MYO10: variants seen among roughly 807,000 people sequenced by gnomAD.
The protein encoded by MYO10 is unconventional myosin-X.
Under a neutral mutation model 257.3 loss-of-function variants are expected in MYO10, and 133 were observed. That is an observed-to-expected ratio of 0.52 (90% confidence interval 0.45 to 0.60). The LOEUF (loss-of-function observed/expected upper bound fraction) is 0.60. Among genes scored for constraint, MYO10 ranks in the 20% least tolerant of loss-of-function variants. The pLI is 0.00. For missense variants in MYO10, 2,399 were observed against 2,635.7 expected, an observed-to-expected ratio of 0.91 and a Z score of 1.97; for synonymous variants, 1,104 against 1,028.6, an observed-to-expected ratio of 1.07 and a Z score of -1.40.
intron 27 of MYO10, among the ~76,000 whole-genome samples, chr5:16,691,984 G>A (rs1737530977): frequency 6.6e-6 from 1 of 152,160 alleles, no homozygotes. Context: ...GTGAAAGAAA[G>A]GCAGAGGGGC....
rs565575771 is a variant in MYO10 at position 16,825,805 on chromosome 5, C to T, written c.121-7638G>A. ...CGGACATTGCAATTTGCTGAGATCA[C>T]GTCATTGCACTCCAGCCTGGACAAG... is the stretch of plus-strand genomic sequence containing the variant. On this transcript the variant is annotated intron_variant, in intron 2 of 40. Coordinates refer to ENST00000513610, the MANE Select transcript of MYO10 (RefSeq NM_012334.3). Among the ~76,000 whole-genome samples, 8 of 152,250 alleles carry T rather than the reference C, an allele frequency of 5.3e-5. No homozygotes were observed. In the South Asian group the frequency reaches 1.5e-3, roughly 28 times the overall value.
chr5:16,797,264 T>G (rs1316643122), intron 3 of MYO10, among the ~76,000 whole-genome samples: 2 of 152,166 alleles, frequency 1.3e-5, no homozygotes, highest in Non-Finnish European at 2.9e-5. Flanking sequence ...GATTTCAGAT[T>G]TTCTGATGAG....
intron 2 of MYO10, among the ~76,000 whole-genome samples, chr5:16,848,714 T>A (rs1405246520): frequency 6.6e-6 from 1 of 151,900 alleles, no homozygotes; most frequent in African/African-American, 2.4e-5. Context: ...TGCTCAACAA[T>A]TCAAGAGGCT....
chr5:16,813,421 TA>T (rs1162679940), intron 3 of MYO10, among the ~76,000 whole-genome samples: 1 of 151,742 alleles, frequency 6.6e-6, no homozygotes, highest in Admixed American at 6.6e-5. Flanking sequence ...TCCTATATAT[TA>T]TATACTGTAG....
intron 2 of MYO10, among the ~76,000 whole-genome samples, chr5:16,832,070 C>G (rs1225966794): frequency 6.6e-6 from 1 of 151,980 alleles, no homozygotes; most frequent in African/African-American, 2.4e-5. Context: ...TAGCCCCCAA[C>G]CAGGTAGCTG....
chr5:16,824,417 C>T (rs1023268744), intron 2 of MYO10, among the ~76,000 whole-genome samples: 1 of 152,108 alleles, frequency 6.6e-6, no homozygotes, highest in South Asian at 2.1e-4. Flanking sequence ...ACCAGGAATG[C>T]TGCCAAACAT....
At chr5:16,678,159 T>C (rs1186374795) in intron 33 of MYO10, among the ~76,000 whole-genome samples, 1 of 152,220 alleles carries the variant, frequency 6.6e-6, no homozygotes, top group Non-Finnish European at 1.5e-5. Context: ...TGATACATGA[T>C]AGTTTTACTC....
intron 1 of MYO10, among the ~76,000 whole-genome samples, chr5:16,886,598 A>C (rs185640745): frequency 1.3e-4 from 20 of 152,286 alleles, no homozygotes; most frequent in Non-Finnish European, 2.6e-4. Context: ...CATCGTCATC[A>C]TCATTTCTCA....
rs1384411377 is a variant in MYO10, at chr5:16,696,708, TAGTC to T, written c.3557-2098_3557-2095del. 3.4e-5 allele frequency among the ~76,000 whole-genome samples: 5 copies of T among 148,520 alleles called. No individual in the cohort carries two copies. The East Asian group carries it at 7.9e-4, about 24-fold the overall frequency. On this transcript the variant is annotated intron_variant, in intron 26 of 40. Coordinates refer to ENST00000513610, the MANE Select transcript of MYO10 (RefSeq NM_012334.3). Reference sequence around the variant, plus strand: ...CCGTCTCTACTCAAAATACAAAAATTAGTCAGGCGTGGTGGCGCACGCCTGTAAT... The same window carrying T: ...CCGTCTCTACTCAAAATACAAAAATTAGGCGTGGTGGCGCACGCCTGTAAT...
chr5:16,740,950 C>T lies in MYO10; in HGVS notation c.1929+13878G>A, dbSNP rs146463245. Among the ~76,000 whole-genome samples, 554 of 151,702 alleles carry T rather than the reference C, an allele frequency of 3.7e-3. 1 individual carries two copies. Among genetic ancestry groups the T allele is most frequent in the Middle Eastern group, 0.034 (10 of 290 alleles). On this transcript the variant is annotated intron_variant, in intron 19 of 40. Transcript: ENST00000513610. ...CTTAGCACCAGAAATCTTATCTACG[C>T]GACGAAAGCAGATTTAGCCTAGTAG...
chr5:16,716,214 A>C (rs1184900389), intron 19 of MYO10, among the ~76,000 whole-genome samples: 1 of 152,124 alleles, frequency 6.6e-6, no homozygotes, highest in Non-Finnish European at 1.5e-5. Flanking sequence ...AAATAAGTAG[A>C]AATACTTATT....
intron 2 of MYO10, among the ~76,000 whole-genome samples, chr5:16,866,307 C>T (rs1744247935): frequency 6.6e-6 from 1 of 152,128 alleles, no homozygotes; most frequent in South Asian, 2.1e-4. Context: ...CTCAACTGGA[C>T]TGCGGAAAAA....
chr5:16,822,757 G>T (rs112922550), intron 2 of MYO10, among the ~76,000 whole-genome samples: 3 of 150,270 alleles, frequency 2.0e-5, no homozygotes, highest in African/African-American at 7.4e-5. Flanking sequence ...GCACAATCTC[G>T]GCTCACCGCA....
rs559510830 is a variant in MYO10, at chr5:16,902,262, A to G, written c.22-24555T>C. 2.2e-5 allele frequency: 17 copies of G among 769,592 alleles called. No individual in the cohort carries two copies. In the African/African-American group the frequency reaches 2.4e-4, roughly 11 times the overall value. 47.7% of individuals were successfully genotyped at this position (769,592 alleles called of 1,614,324 possible). A position where few individuals can be genotyped will look rare whatever the true frequency, so the allele number is the denominator to read the frequency against. ...TCCATTTTATTTTTCTCCAGAGAAT[A>G]GTCTGTCTTCAGTCTTTAAGAACTC... On this transcript the variant is annotated intron_variant, in intron 1 of 40. Coordinates refer to ENST00000513610, the MANE Select transcript of MYO10 (RefSeq NM_012334.3).
chr5:16,873,962 C>T (rs1744519378), intron 2 of MYO10, among the ~76,000 whole-genome samples: 1 of 152,146 alleles, frequency 6.6e-6, no homozygotes, highest in Non-Finnish European at 1.5e-5. Context: ...AGACATTTTC[C>T]CCATGGTCTT....
Position 16,701,485 on chromosome 5 carries a change from C to A in MYO10, c.2910G>T (p.Glu970Asp), listed in dbSNP as rs763406600. 21 of 1,613,858 alleles carry A rather than the reference C, an allele frequency of 1.3e-5. No individual in the cohort carries two copies. In the African/African-American group the frequency reaches 2.3e-4, roughly 17 times the overall value. ...TCTCCTCGCATGCGCTCTCAGCCAG[C>A]TCGCTGGAAAATTCGCTTCCCACCG... is the stretch of plus-strand genomic sequence containing the variant. ...SLSVGSEFSS[E>D]LAESACEEKP... Residue 970 changes from glutamate (E) to aspartate (D), a missense_variant, in exon 25 of 41, where the codon GAG (glutamate) becomes GAT (aspartate). Glu to Asp is a conservative substitution (Grantham distance 45). Coordinates refer to ENST00000513610, the MANE Select transcript of MYO10 (RefSeq NM_012334.3). The surrounding 1 kb of genome is among the most constrained non-coding windows in gnomAD (Gnocchi z 8.1).
At chr5:16,814,211 G>T (rs1395233569) in intron 3 of MYO10, among the ~76,000 whole-genome samples, 1 of 152,150 alleles carries the variant, frequency 6.6e-6, no homozygotes, top group South Asian at 2.1e-4. Context: ...GCGCGATCTC[G>T]GCTCACTGCA....
intron 1 of MYO10, among the ~76,000 whole-genome samples, chr5:16,929,222 G>C (rs1461426738): frequency 2.6e-5 from 4 of 151,918 alleles, no homozygotes; most frequent in Admixed American, 6.6e-5. Flanking sequence ...CAAAGTGCTG[G>C]GATTACAGGC....
chr5:16,814,357 C>A (rs1039317407), intron 3 of MYO10, among the ~76,000 whole-genome samples: 1 of 151,942 alleles, frequency 6.6e-6, no homozygotes, highest in Non-Finnish European at 1.5e-5. Context: ...ACCATGTTAG[C>A]CAGGATGGTC....
Sources: allele counts gnomAD v4.1 joint callset (sites outside exome capture counted in the v4.1 genomes callset), GRCh38; gene constraint gnomAD v4.1.1; non-coding constraint Gnocchi (gnomAD v3.1); transcripts MANE v1.5; gene names NCBI Gene and HGNC (gene_info 2026-07-23, HGNC 2026-07-21).